Variants in MECOM observed in about 807,000 individuals in gnomAD.
The protein encoded by MECOM is MDS1 and EVI1 complex locus.
In MECOM, 13 loss-of-function variants were observed where a neutral mutation model predicts 116.3. The observed-to-expected ratio is 0.11, with a 90% confidence interval of 0.07 to 0.18. The LOEUF is 0.18. Among genes scored for constraint, MECOM ranks in the 10% least tolerant of loss-of-function variants. The pLI, the probability that MECOM is intolerant of heterozygous loss-of-function variation, is 1.00. For missense variants in MECOM, 1,299 were observed against 1,509.0 expected (o/e 0.86, Z 2.31); for synonymous variants, 528 against 535.2 (o/e 0.99, Z 0.19).
intron 1 of MECOM, among the ~76,000 whole-genome samples, chr3:169,617,539 T>G (rs998348906): frequency 2.0e-5 from 3 of 152,210 alleles, no homozygotes; most frequent in Non-Finnish European, 1.5e-5. Flanking sequence ...AGGTGTCTTC[T>G]TTCCTGCCAG....
intron 1 of MECOM, among the ~76,000 whole-genome samples, chr3:169,615,235 C>G (rs1239539999): frequency 6.6e-6 from 1 of 152,194 alleles, no homozygotes; most frequent in Non-Finnish European, 1.5e-5. Context: ...TTCATGTCTC[C>G]TCTAGCCAAC....
At chr3:169,272,351 G>A (rs1759057871) in intron 2 of MECOM, among the ~76,000 whole-genome samples, 1 of 152,126 alleles carries the variant, frequency 6.6e-6, no homozygotes. Flanking sequence ...TTGAATCACA[G>A]ATTCCTGGAG....
At chr3:169,422,623 T>A (rs1407869930) in intron 1 of MECOM, among the ~76,000 whole-genome samples, 1 of 152,090 alleles carries the variant, frequency 6.6e-6, no homozygotes, top group Non-Finnish European at 1.5e-5. Context: ...AAGACAATTA[T>A]TCACATTTTA....
At chr3:169,100,392 C>G (rs755916874) in intron 12 of MECOM, among the ~76,000 whole-genome samples, 5 of 152,148 alleles carry the variant, frequency 3.3e-5, no homozygotes, top group South Asian at 4.1e-4. Context: ...AGCCACCATG[C>G]CCAGCCTAAA....
At chr3:169,187,773 T>C (rs2149412976) in intron 2 of MECOM, among the ~76,000 whole-genome samples, 1 of 152,206 alleles carries the variant, frequency 6.6e-6, no homozygotes, top group Admixed American at 6.5e-5. Context: ...TGTATGAACC[T>C]AATACAGGAA....
At chr3:169,409,608 A>G (rs1481334325) in intron 1 of MECOM, among the ~76,000 whole-genome samples, 1 of 152,094 alleles carries the variant, frequency 6.6e-6, no homozygotes, top group Non-Finnish European at 1.5e-5. Flanking sequence ...GCAGTACTTT[A>G]TTTTTCACTT....
In MECOM at chr3:169,147,715, GGT is replaced by G. The variant is rs10659980; in HGVS notation, c.376-3885_376-3884del. The G allele has an allele frequency of 1.7e-3, 1,554 of 930,258 alleles. 1 individual carries two copies. The highest frequency in any genetic ancestry group is 1.8e-3 in the African/African-American group (96 of 53,194). 57.6% of individuals were successfully genotyped at this position (930,258 alleles called of 1,614,324 possible). A position where few individuals can be genotyped will look rare whatever the true frequency, so the allele number is the denominator to read the frequency against. On this transcript the variant is annotated intron_variant, in intron 2 of 16. Coordinates refer to ENST00000651503, the MANE Select transcript of MECOM (RefSeq NM_004991.4). ...TTCGATGTCTTGAAAGCACAAGTGT[GGT>G]GTGTGTGTGTGTGTGTGCGCGCGAG...
chr3:169,322,187 T>C (rs80217629), intron 2 of MECOM, among the ~76,000 whole-genome samples: 5,183 of 152,328 alleles, frequency 0.034, 198 homozygotes, highest in African/African-American at 0.088. Context: ...GTGTGTTTCC[T>C]CTTAGGTGGT....
intron 1 of MECOM, among the ~76,000 whole-genome samples, chr3:169,505,003 C>T (rs73174335): frequency 0.17 from 25,395 of 152,138 alleles, 2,287 homozygotes; most frequent in East Asian, 0.33. Context: ...AAGGTAGGGG[C>T]ATGGAGAGCA....
intron 2 of MECOM, among the ~76,000 whole-genome samples, chr3:169,294,812 G>C (rs1231998309): frequency 6.6e-6 from 1 of 152,044 alleles, no homozygotes; most frequent in African/African-American, 2.4e-5. Flanking sequence ...CGTCCTGACT[G>C]TGCCCAAACA....
intron 2 of MECOM, among the ~76,000 whole-genome samples, chr3:169,296,970 T>C (rs1465122129): frequency 2.0e-5 from 3 of 152,220 alleles, no homozygotes; most frequent in Admixed American, 6.5e-5. Flanking sequence ...CATTGTCATT[T>C]CATGTTATAG....
At chr3:169,372,911 A>C (rs1278389158) in intron 2 of MECOM, among the ~76,000 whole-genome samples, 2 of 151,956 alleles carry the variant, frequency 1.3e-5, no homozygotes, top group Non-Finnish European at 2.9e-5. Flanking sequence ...AGGAAGTCTC[A>C]CTCCAGAAGA....
At chr3:169,213,286 T>G (rs1172300027) in intron 2 of MECOM, among the ~76,000 whole-genome samples, 1 of 152,078 alleles carries the variant, frequency 6.6e-6, no homozygotes, top group Non-Finnish European at 1.5e-5. Flanking sequence ...AATATGCATG[T>G]AAAAAGTAGA....
chr3:169,168,836 A>T (rs1743999388), intron 2 of MECOM, among the ~76,000 whole-genome samples: 1 of 152,050 alleles, frequency 6.6e-6, no homozygotes, highest in South Asian at 2.1e-4. Flanking sequence ...ATTTAACATA[A>T]AGAAAAACTC....
chr3:169,497,504 C>T (rs1318647982), intron 1 of MECOM, among the ~76,000 whole-genome samples: 2 of 152,044 alleles, frequency 1.3e-5, no homozygotes, highest in Non-Finnish European at 2.9e-5. Context: ...TGCCACCAGG[C>T]CCGGCTAATT....
intron 1 of MECOM, among the ~76,000 whole-genome samples, chr3:169,594,015 G>A (rs937797608): frequency 6.6e-6 from 1 of 151,870 alleles, no homozygotes; most frequent in Non-Finnish European, 1.5e-5. Context: ...CAGCTACTCA[G>A]GAGGCTGAGG....
intron 2 of MECOM, among the ~76,000 whole-genome samples, chr3:169,284,920 A>C (rs1712952090): frequency 6.6e-6 from 1 of 152,182 alleles, no homozygotes; most frequent in African/African-American, 2.4e-5. Flanking sequence ...CATCTCGGGC[A>C]GTGACCCCAC....
chr3:169,552,042 T>C (rs755398706), intron 1 of MECOM, among the ~76,000 whole-genome samples: 4 of 150,656 alleles, frequency 2.7e-5, no homozygotes, highest in African/African-American at 5.0e-5. Flanking sequence ...GGAGGGATAA[T>C]GAGAAGTAAC....
chr3:169,530,763 C>T (rs1252645114), intron 1 of MECOM, among the ~76,000 whole-genome samples: 1 of 152,112 alleles, frequency 6.6e-6, no homozygotes, highest in Non-Finnish European at 1.5e-5. Flanking sequence ...AGAATAATAA[C>T]TCCAAAATGC....
Sources: gnomAD v4.1 joint callset for allele counts (sites outside exome capture counted in the v4.1 genomes callset) on GRCh38, gnomAD v4.1.1 for gene constraint, MANE v1.5 for transcripts, NCBI Gene and HGNC (gene_info 2026-07-23, HGNC 2026-07-21) for gene names.